The following AGBL1 variants were observed in gnomAD, a reference collection of about 807,000 sequenced individuals.
AGBL1 encodes the protein cytosolic carboxypeptidase 4.
In AGBL1, 130 loss-of-function variants were observed where a neutral mutation model predicts 118.9. The ratio of observed to expected loss-of-function variants is 1.09; its 90% confidence interval spans 0.95 to 1.26. The LOEUF is 1.26. Ranked by LOEUF, AGBL1 falls within the 50% of genes most tolerant of loss-of-function variation. AGBL1 has a pLI of 0.00. For synonymous variants in AGBL1, 555 were observed against 478.9 expected (o/e 1.16, Z -2.08); for missense variants, 1,584 against 1,298.1 (o/e 1.22, Z -3.38).
chr15:86,834,360 A>C (rs749704732), intron 22 of AGBL1, among the ~76,000 whole-genome samples: 1 of 152,142 alleles, frequency 6.6e-6, no homozygotes, highest in South Asian at 2.1e-4. Context: ...GGAGATCATG[A>C]ATGTCATGGT....
rs114446704 is a variant in AGBL1 at position 86,198,300 on chromosome 15, T to C, written c.489-26614T>C. 7.4e-3 allele frequency among the ~76,000 whole-genome samples: 1,133 copies of C among 152,310 alleles called. 16 individuals are homozygous for C. Among genetic ancestry groups the C allele is most frequent in the African/African-American group, 0.024 (1,009 of 41,576 alleles). ...ATGAGCTCACAGCTATGGAGAAATT[T>C]GCCTGAGAATAGATTGTATTCTGAA... On this transcript the variant is annotated intron_variant, in intron 5 of 22. Transcript: ENST00000614907.
At chr15:86,873,755 G>A (rs925352462) in intron 22 of AGBL1, among the ~76,000 whole-genome samples, 1 of 152,072 alleles carries the variant, frequency 6.6e-6, no homozygotes. Flanking sequence ...TGTTTAATAA[G>A]CACCCCAATT....
At position 86,623,583 on chromosome 15, in the gene AGBL1, C is replaced by A. The variant is rs563441895; in HGVS notation, c.2995-50690C>A. 2.6e-3 allele frequency among the ~76,000 whole-genome samples: 395 copies of A among 152,304 alleles called. 2 individuals are homozygous for A. The highest frequency in any genetic ancestry group is 9.0e-3 in the African/African-American group (376 of 41,558). On this transcript the variant is annotated intron_variant, in intron 21 of 22. Coordinates refer to ENST00000614907, the MANE Select transcript of AGBL1 (RefSeq NM_001386094.1). ...CCAGCTCTGGATGCTTGTTCTTGCT[C>A]TCTTTATTTTATTTTTGTTATCTGA...
intron 23 of AGBL1, among the ~76,000 whole-genome samples, chr15:86,924,419 A>G (rs16978088): frequency 0.24 from 36,953 of 152,228 alleles, 4,756 homozygotes; most frequent in South Asian, 0.33. Context: ...TATAGTCAGC[A>G]AATTACTTTG....
intron 24 of AGBL1, among the ~76,000 whole-genome samples, chr15:87,024,298 T>C (rs2081701424): frequency 6.6e-6 from 1 of 151,924 alleles, no homozygotes; most frequent in South Asian, 2.1e-4. Context: ...ACAGGAGATA[T>C]TACAACTAAC....
At chr15:86,762,215 T>G (rs1376411934) in intron 22 of AGBL1, among the ~76,000 whole-genome samples, 1 of 151,954 alleles carries the variant, frequency 6.6e-6, no homozygotes, top group Non-Finnish European at 1.5e-5. Context: ...GTGGGGCCTG[T>G]TGGGGGAGGT....
chr15:87,004,926 T>C (rs1401445999), intron 24 of AGBL1, among the ~76,000 whole-genome samples: 1 of 152,186 alleles, frequency 6.6e-6, no homozygotes, highest in Non-Finnish European at 1.5e-5. Flanking sequence ...CTGTACAGTA[T>C]TTTATTTCTC....
intron 23 of AGBL1, chr15:86,935,303 A>G (rs1261588573): frequency 6.6e-6 from 1 of 152,228 alleles, no homozygotes; most frequent in Non-Finnish European, 1.5e-5. Context: ...GTGAGTCACC[A>G]CACGGAGTTA....
At position 86,603,001 on chromosome 15, in the gene AGBL1, T is replaced by C. The variant is rs145868898; in HGVS notation, c.2994+48464T>C. 8.9e-3 allele frequency among the ~76,000 whole-genome samples: 1,352 copies of C among 152,202 alleles called. 23 individuals carry two copies. Among genetic ancestry groups the C allele is most frequent in the South Asian group, 0.045 (219 of 4,814 alleles). On this transcript the variant is annotated intron_variant, in intron 21 of 22. Transcript: ENST00000614907. ...GTTGGGTGTAGACTTGACTTGCAAT[T>C]GTAGATGAAGCCCCATGCCAAATGG...
At chr15:86,618,954 T>A (rs1480295494) in intron 21 of AGBL1, among the ~76,000 whole-genome samples, 2 of 152,072 alleles carry the variant, frequency 1.3e-5, no homozygotes, top group Non-Finnish European at 2.9e-5. Flanking sequence ...GCAGAAAAAA[T>A]GTAGGCAGTA....
At chr15:86,988,195 T>C in intron 24 of AGBL1, 1 of 1,371,390 alleles carries the variant, frequency 7.3e-7, no homozygotes, top group African/African-American at 1.4e-5. Flanking sequence ...AGTAAATGGG[T>C]GGGCCAACAA....
At chr15:87,026,179 T>A (rs2081724623) in intron 24 of AGBL1, among the ~76,000 whole-genome samples, 1 of 151,822 alleles carries the variant, frequency 6.6e-6, no homozygotes, top group South Asian at 2.1e-4. Context: ...ACTAAAGAGC[T>A]TTTGCACGGC....
chr15:86,174,809 T>C (rs1244408817), intron 5 of AGBL1, among the ~76,000 whole-genome samples: 2 of 152,152 alleles, frequency 1.3e-5, no homozygotes, highest in Non-Finnish European at 1.5e-5. Context: ...TATTGATTTG[T>C]ATATGTTGAA....
At chr15:86,235,099 A>G (rs1266243370) in intron 6 of AGBL1, among the ~76,000 whole-genome samples, 1 of 152,198 alleles carries the variant, frequency 6.6e-6, no homozygotes, top group Non-Finnish European at 1.5e-5. Flanking sequence ...ACATATAAAG[A>G]AGTGAAAAAC....
At chr15:86,956,217 TTAGA>T (rs57241299) in intron 23 of AGBL1, among the ~76,000 whole-genome samples, 56,403 of 147,450 alleles carry the variant, frequency 0.38, 10,889 homozygotes, top group Middle Eastern at 0.47. Context: ...AGATGATTGA[TTAGA>T]TAGATAGATA....
chr15:86,295,175 A>G (rs1016897255), intron 16 of AGBL1, 80 bp from the exon 17 acceptor site: 3 of 1,478,790 alleles, frequency 2.0e-6, no homozygotes, highest in South Asian at 1.2e-5. Context: ...TCTAAACTAT[A>G]TGTAAGCCGT....
intron 23 of AGBL1, among the ~76,000 whole-genome samples, chr15:86,925,187 A>AAGAGGAAGAAG (rs2080523020): frequency 2.5e-5 from 2 of 79,966 alleles, no homozygotes; most frequent in African/African-American, 7.4e-5. Flanking sequence ...GAGGAAGAGG[A>AAGAGGAAGAAG]AGAAAAGAAG....
intron 23 of AGBL1, among the ~76,000 whole-genome samples, chr15:86,963,061 C>A (rs565109063): frequency 1.3e-5 from 2 of 152,124 alleles, no homozygotes; most frequent in African/African-American, 4.8e-5. Flanking sequence ...ATTAAAATAT[C>A]ATGTAAGCCT....
At chr15:86,572,892 C>T (rs1376075209) in intron 21 of AGBL1, among the ~76,000 whole-genome samples, 2 of 152,218 alleles carry the variant, frequency 1.3e-5, no homozygotes, top group Admixed American at 6.5e-5. Flanking sequence ...AGGCCAATGA[C>T]GGTTCAAGTC....
Sources: allele counts gnomAD v4.1 joint callset (sites outside exome capture counted in the v4.1 genomes callset), GRCh38; gene constraint gnomAD v4.1.1; transcripts MANE v1.5; gene names NCBI Gene and HGNC (gene_info 2026-07-23, HGNC 2026-07-21).